CSMD1: variants seen among roughly 807,000 people sequenced by gnomAD.
CSMD1 encodes the protein CUB and sushi domain-containing protein 1.
CSMD1 carries 213 observed loss-of-function variants against 417.5 expected under a neutral mutation model. The observed-to-expected ratio is 0.51, with a 90% CI of 0.46 to 0.57. The LOEUF is 0.57. CSMD1 is among the 20% of genes least tolerant of loss of function. The pLI, the probability that CSMD1 is intolerant of heterozygous loss-of-function variation, is 0.00. For missense variants in CSMD1, 6,923 were observed against 4,529.7 expected (o/e 1.53, Z -15.17); for synonymous variants, 2,862 against 1,736.8 (o/e 1.65, Z -16.11).
chr8:4,477,687 A>G (rs1280079897), intron 2 of CSMD1, among the ~76,000 whole-genome samples: 1 of 152,186 alleles, frequency 6.6e-6, no homozygotes, highest in South Asian at 2.1e-4. Flanking sequence ...CATGTCCCCA[A>G]AGGATAGACT....
At chr8:3,879,444 A>G (rs912988020) in intron 5 of CSMD1, among the ~76,000 whole-genome samples, 15 of 152,154 alleles carry the variant, frequency 9.9e-5, no homozygotes. Context: ...GTCATTGAGA[A>G]CAATGTCCCA....
At position 3,054,967 on chromosome 8, in the gene CSMD1, A is replaced by G. The variant is rs75663523; in HGVS notation, c.7475-2320T>C. Among the ~76,000 whole-genome samples, 1,294 of 152,282 alleles carry G rather than the reference A, an allele frequency of 8.5e-3. 16 individuals are homozygous for G. Among genetic ancestry groups the G allele is most frequent in the African/African-American group, 0.03 (1,246 of 41,566 alleles). On this transcript the variant is annotated intron_variant, in intron 49 of 69. Transcript: ENST00000635120. ...TTTCTGTATCTCACAATGTTCCAAT[A>G]TCTAGCTTCCTCATCATTTTCTCTC... is the stretch of plus-strand genomic sequence containing the variant.
At chr8:4,746,816 C>G (rs13281409) in intron 1 of CSMD1, among the ~76,000 whole-genome samples, 47,483 of 152,040 alleles carry the variant, frequency 0.31, 8,363 homozygotes, top group Admixed American at 0.45. Flanking sequence ...TGTGGGTTCT[C>G]TCTCAGAGAA....
intron 3 of CSMD1, among the ~76,000 whole-genome samples, chr8:4,149,177 T>C (rs1350274581): frequency 4.6e-5 from 7 of 152,108 alleles, no homozygotes; most frequent in African/African-American, 1.7e-4. Flanking sequence ...TTGGCTAGGC[T>C]GGTCTCGAAC....
intron 3 of CSMD1, among the ~76,000 whole-genome samples, chr8:4,179,465 C>T (rs901593262): frequency 2.6e-5 from 4 of 151,396 alleles, no homozygotes; most frequent in African/African-American, 7.3e-5. Flanking sequence ...GACCTAAAAC[C>T]ATAAAAACCC....
intron 1 of CSMD1, among the ~76,000 whole-genome samples, chr8:4,971,616 G>C (rs1228731493): frequency 6.6e-6 from 1 of 151,678 alleles, no homozygotes; most frequent in African/African-American, 2.4e-5. Flanking sequence ...ATTTCTAATT[G>C]CAAATGCATG....
chr8:3,184,487 C>A (rs1821623851), intron 36 of CSMD1, among the ~76,000 whole-genome samples: 1 of 152,180 alleles, frequency 6.6e-6, no homozygotes, highest in African/African-American at 2.4e-5. Context: ...TTCAGTTCTG[C>A]TCTTATCACA....
At chr8:3,451,129 G>A (rs1815684708) in intron 12 of CSMD1, among the ~76,000 whole-genome samples, 1 of 152,192 alleles carries the variant, frequency 6.6e-6, no homozygotes, top group Non-Finnish European at 1.5e-5. Flanking sequence ...AGAAGTGTCT[G>A]TTCATATCCT....
intron 2 of CSMD1, among the ~76,000 whole-genome samples, chr8:4,632,011 T>G (rs775909853): frequency 1.3e-5 from 2 of 152,226 alleles, no homozygotes; most frequent in African/African-American, 4.8e-5. Flanking sequence ...TTTATCACAG[T>G]TGGAAATAGA....
intron 7 of CSMD1, among the ~76,000 whole-genome samples, chr8:3,649,865 C>T (rs962051351): frequency 6.6e-6 from 1 of 152,176 alleles, no homozygotes; most frequent in Non-Finnish European, 1.5e-5. Context: ...CAATGTTTAA[C>T]CTATGTACAC....
At chr8:3,177,895 G>T (rs1040111104) in intron 37 of CSMD1, among the ~76,000 whole-genome samples, 1 of 152,124 alleles carries the variant, frequency 6.6e-6, no homozygotes, top group African/African-American at 2.4e-5. Flanking sequence ...TATGTATTTT[G>T]TCTTGGTTTC....
At chr8:3,029,731 G>C (rs954691276) in intron 50 of CSMD1, among the ~76,000 whole-genome samples, 2 of 150,522 alleles carry the variant, frequency 1.3e-5, no homozygotes, top group East Asian at 1.9e-4. Flanking sequence ...CAGATGTCCT[G>C]GGAAGTCTGC....
At chr8:3,782,457 C>T (rs992783300) in intron 5 of CSMD1, among the ~76,000 whole-genome samples, 21 of 152,040 alleles carry the variant, frequency 1.4e-4, no homozygotes, top group African/African-American at 5.1e-4. Flanking sequence ...AGTAATGACG[C>T]ATAACATGTA....
intron 7 of CSMD1, among the ~76,000 whole-genome samples, chr8:3,634,381 G>C (rs144816363): frequency 1.4e-4 from 22 of 152,164 alleles, no homozygotes; most frequent in Non-Finnish European, 3.1e-4. Context: ...TATAGGCACC[G>C]AGGCTCAGGA....
chr8:3,998,044 G>A lies in CSMD1; in HGVS notation c.677C>T (p.Ser226Leu), dbSNP rs1050959021. 3.7e-6 allele frequency: 6 copies of A among 1,601,136 alleles called. No homozygotes were observed. The Admixed American group carries it at 6.9e-5, about 18-fold the overall frequency. The change falls in exon 5 of 70, where the codon TCA becomes TTA. Residue 226 changes from serine (S) to leucine (L), a missense_variant. Physicochemically the swap from Ser to Leu is moderately radical, Grantham distance 145 (BLOSUM62 -2). Coordinates refer to ENST00000635120, the MANE Select transcript of CSMD1 (RefSeq NM_033225.6). ...GCAGTCCGCGTTGTTCTCGTACTCT[G>A]AAGGGAAGTGCGGGCTGGAGATGGA... ...SSSISSPHFP[S>L]EYENNADCTW...
At chr8:3,916,559 T>G (rs923688699) in intron 5 of CSMD1, among the ~76,000 whole-genome samples, 1 of 152,156 alleles carries the variant, frequency 6.6e-6, no homozygotes, top group African/African-American at 2.4e-5. Flanking sequence ...CGATTATGTA[T>G]GAAGTATGAT....
At chr8:4,925,535 TTC>T (rs1563782373) in intron 1 of CSMD1, among the ~76,000 whole-genome samples, 1 of 10,670 alleles carries the variant, frequency 9.4e-5, no homozygotes, top group Non-Finnish European at 2.3e-3. Flanking sequence ...GTCTGGCATT[TTC>T]TTTTTTTTTT....
chr8:3,292,032 G>C (rs1273339005), intron 25 of CSMD1, among the ~76,000 whole-genome samples: 5 of 151,716 alleles, frequency 3.3e-5, no homozygotes, highest in Non-Finnish European at 5.9e-5. Context: ...TTGTGTCTTT[G>C]TTCTCGTTGG....
rs377639111 is a variant in CSMD1, at chr8:4,523,127, A to C, written c.303-103062T>G. ...AGTGGGCCAAAATAATTCTCATTAT[A>C]CATCCTTTGGTGCTAATTTTTGCTA... On this transcript the variant is annotated intron_variant, in intron 2 of 69. Transcript: ENST00000635120. Among the ~76,000 whole-genome samples the C allele has an allele frequency of 9.5e-4, 144 of 152,336 alleles. 1 individual carries two copies. The highest frequency in any genetic ancestry group is 3.3e-3 in the African/African-American group (136 of 41,574).
Sources: gnomAD v4.1 joint callset for allele counts (sites outside exome capture counted in the v4.1 genomes callset) on GRCh38, gnomAD v4.1.1 for gene constraint, MANE v1.5 for transcripts, NCBI Gene and HGNC (gene_info 2026-07-23, HGNC 2026-07-21) for gene names.